PTPRD: variants seen among roughly 807,000 people sequenced by gnomAD.
The protein encoded by PTPRD is protein tyrosine phosphatase receptor type D.
PTPRD carries 34 observed loss-of-function variants against 214.5 expected under a neutral mutation model. The observed-to-expected ratio is 0.16, with a 90% CI of 0.12 to 0.21. PTPRD has a LOEUF of 0.21. Ranked by LOEUF, PTPRD falls within the 10% of genes least tolerant of loss-of-function variation. PTPRD has a pLI of 1.00. For synonymous variants in PTPRD, 1,128 were observed against 845.7 expected (o/e 1.33, Z -5.79); for missense variants, 2,545 against 2,398.7 (o/e 1.06, Z -1.27).
intron 10 of PTPRD, among the ~76,000 whole-genome samples, chr9:9,157,809 T>A (rs923636790): frequency 6.6e-6 from 1 of 152,172 alleles, no homozygotes; most frequent in African/African-American, 2.4e-5. Flanking sequence ...ACTACACAGA[T>A]CATCCCATTA....
chr9:9,597,799 T>C (rs1395168987), intron 7 of PTPRD, among the ~76,000 whole-genome samples: 1 of 152,022 alleles, frequency 6.6e-6, no homozygotes, highest in Non-Finnish European at 1.5e-5. Context: ...GGAATATACA[T>C]ATTCATTTGA....
At chr9:8,611,826 G>C (rs1193778764) in intron 14 of PTPRD, among the ~76,000 whole-genome samples, 1 of 149,846 alleles carries the variant, frequency 6.7e-6, no homozygotes, top group South Asian at 2.1e-4. Context: ...GAAGAGAGGA[G>C]GAGAAGGAAA....
intron 7 of PTPRD, among the ~76,000 whole-genome samples, chr9:9,670,819 G>T (rs897550739): frequency 6.6e-6 from 1 of 152,184 alleles, no homozygotes; most frequent in African/African-American, 2.4e-5. Flanking sequence ...GATTTCAGAA[G>T]ATATATGGAA....
At chr9:9,779,456 C>T (rs1484572770) in intron 5 of PTPRD, among the ~76,000 whole-genome samples, 1 of 152,032 alleles carries the variant, frequency 6.6e-6, no homozygotes, top group Admixed American at 6.5e-5. Context: ...CCTATGCATC[C>T]AACAAAGGTC....
intron 2 of PTPRD, among the ~76,000 whole-genome samples, chr9:10,489,699 C>T (rs2099154890): frequency 6.6e-6 from 1 of 152,188 alleles, no homozygotes; most frequent in East Asian, 1.9e-4. Flanking sequence ...AGCAATTTCC[C>T]TCTGGCTAGG....
At chr9:8,918,206 T>C (rs1458181094) in intron 11 of PTPRD, among the ~76,000 whole-genome samples, 1 of 152,154 alleles carries the variant, frequency 6.6e-6, no homozygotes, top group African/African-American at 2.4e-5. Context: ...CTGGGCAATG[T>C]GTTAGTGCAC....
At chr9:9,106,814 C>T (rs977806117) in intron 10 of PTPRD, among the ~76,000 whole-genome samples, 1 of 151,982 alleles carries the variant, frequency 6.6e-6, no homozygotes, top group Non-Finnish European at 1.5e-5. Flanking sequence ...TATCCACCTC[C>T]ATGGATTGGA....
At chr9:9,036,018 T>C (rs2099620566) in intron 10 of PTPRD, among the ~76,000 whole-genome samples, 1 of 152,142 alleles carries the variant, frequency 6.6e-6, no homozygotes, top group East Asian at 1.9e-4. Flanking sequence ...ATTCAACTAA[T>C]GTGCCTACCT....
At position 9,702,459 on chromosome 9, in the gene PTPRD, C is replaced by T. The variant is rs191914668; in HGVS notation, c.-287+32074G>A. 1.2e-3 allele frequency among the ~76,000 whole-genome samples: 179 copies of T among 152,168 alleles called. 1 individual carries two copies. The highest frequency in any genetic ancestry group is 3.4e-3 in the Middle Eastern group (1 of 294). On this transcript the variant is annotated intron_variant, in intron 7 of 45. Coordinates refer to ENST00000381196, the MANE Select transcript of PTPRD (RefSeq NM_002839.4). Reference sequence around the variant, plus strand: ...GACAAATAGACTCAGAAAATCCTTGCGTTTGATGGCTGGAGGTACCAGTGA... The same window carrying T: ...GACAAATAGACTCAGAAAATCCTTGTGTTTGATGGCTGGAGGTACCAGTGA...
intron 7 of PTPRD, among the ~76,000 whole-genome samples, chr9:9,635,253 C>T (rs1314645915): frequency 6.6e-6 from 1 of 152,120 alleles, no homozygotes; most frequent in Non-Finnish European, 1.5e-5. Flanking sequence ...TTTCAAAGTA[C>T]ATTGAGAGCA....
intron 2 of PTPRD, among the ~76,000 whole-genome samples, chr9:10,598,485 G>A (rs1297657880): frequency 6.6e-6 from 1 of 151,662 alleles, no homozygotes; most frequent in Non-Finnish European, 1.5e-5. Flanking sequence ...ATTCTGTGCA[G>A]AAAATAAAAT....
rs35644783 is a variant in PTPRD, at chr9:8,975,097, C to CAAAA, written c.-104+43596_-104+43599dup. On this transcript the variant is annotated intron_variant, in intron 11 of 45. Transcript: ENST00000381196. Reference sequence around the variant, plus strand: ...GGGTGACAAGAGCAAAACTCTGTCTCAAAAAAAAAAAAAAAAAGATTTTCA... The same window carrying CAAAA: ...GGGTGACAAGAGCAAAACTCTGTCTCAAAAAAAAAAAAAAAAAAAAAGATTTTCA... 4.7e-3 allele frequency among the ~76,000 whole-genome samples: 547 copies of CAAAA among 116,240 alleles called. 6 individuals are homozygous for CAAAA. The highest frequency in any genetic ancestry group is 0.012 in the African/African-American group (385 of 30,966). The allele number at this position is 116,240 out of a possible 152,430, so 76.3% of individuals were successfully genotyped here. A position where few individuals can be genotyped will look rare whatever the true frequency, so the allele number is the denominator to read the frequency against.
chr9:8,855,129 ATTTT>A (rs5896267), intron 11 of PTPRD, among the ~76,000 whole-genome samples: 5 of 148,528 alleles, frequency 3.4e-5, no homozygotes, highest in Non-Finnish European at 4.5e-5. Flanking sequence ...GCCTACTTGA[ATTTT>A]TTTTTTTTTT....
intron 7 of PTPRD, among the ~76,000 whole-genome samples, chr9:9,580,084 G>A (rs76313747): frequency 0.041 from 6,223 of 152,070 alleles, 455 homozygotes; most frequent in African/African-American, 0.14. Flanking sequence ...GTATGTCTGC[G>A]TGTATTACAT....
rs1285570643 is a variant in PTPRD at position 9,864,518 on chromosome 9, TTTTG to T, written c.-368+73985_-368+73988del. On this transcript the variant is annotated intron_variant, in intron 5 of 45. Coordinates refer to ENST00000381196, the MANE Select transcript of PTPRD (RefSeq NM_002839.4). ...TCGGATTTTGTTGTTTGTTTTTACTTTTTGTTTGTTTGTTTTTTGAGGCACGGTC... is the reference window on the plus strand; with the variant it reads ...TCGGATTTTGTTGTTTGTTTTTACTTTTTGTTTGTTTTTTGAGGCACGGTC... 5.3e-5 allele frequency among the ~76,000 whole-genome samples: 8 copies of T among 152,062 alleles called. No homozygotes were observed. In the South Asian group the frequency reaches 6.2e-4, roughly 12 times the overall value.
At chr9:10,527,867 G>T (rs1160367431) in intron 2 of PTPRD, among the ~76,000 whole-genome samples, 3 of 152,012 alleles carry the variant, frequency 2.0e-5, no homozygotes, top group Admixed American at 2.0e-4. Context: ...AATATTTATG[G>T]CATTATGAGA....
intron 3 of PTPRD, among the ~76,000 whole-genome samples, chr9:10,278,035 C>T (rs915626048): frequency 6.6e-6 from 1 of 152,026 alleles, no homozygotes; most frequent in Non-Finnish European, 1.5e-5. Context: ...TGGCGGACGC[C>T]TGTAGTCCCA....
chr9:9,390,240 T>G (rs986902), intron 9 of PTPRD, among the ~76,000 whole-genome samples: 132,940 of 152,194 alleles, frequency 0.87, 58,210 homozygotes, highest in African/African-American at 0.9. Flanking sequence ...GGAGGTTAGG[T>G]GATGGGCAAC....
At chr9:10,228,707 G>T (rs1470741083) in intron 3 of PTPRD, among the ~76,000 whole-genome samples, 1 of 149,334 alleles carries the variant, frequency 6.7e-6, no homozygotes, top group African/African-American at 2.5e-5. Context: ...GCTATTGATA[G>T]AATATATTAT....
Sources: gnomAD v4.1 joint callset for allele counts (sites outside exome capture counted in the v4.1 genomes callset) on GRCh38, gnomAD v4.1.1 for gene constraint, MANE v1.5 for transcripts, NCBI Gene and HGNC (gene_info 2026-07-23, HGNC 2026-07-21) for gene names.